NKAIN3: variants seen among roughly 807,000 people sequenced by gnomAD.
NKAIN3 encodes the protein sodium/potassium-transporting ATPase subunit beta-1-interacting protein 3.
In NKAIN3, 25 loss-of-function variants were observed where a neutral mutation model predicts 30.2. The observed-to-expected ratio is 0.83, with a 90% CI of 0.60 to 1.16. NKAIN3 has a LOEUF of 1.16. NKAIN3 is among the 50% of genes most tolerant of loss of function. The probability of loss-of-function intolerance (pLI) is 0.00; values close to 1 mark genes in which losing one functional copy is unlikely to be tolerated. For synonymous variants in NKAIN3, 91 were observed against 89.6 expected (o/e 1.02, Z -0.09); for missense variants, 225 against 254.1 (o/e 0.89, Z 0.78).
At position 62,545,929 on chromosome 8, in the gene NKAIN3, G is replaced by A. The variant is rs533093752; in HGVS notation, c.55-33610G>A. Among the ~76,000 whole-genome samples, 12 of 152,224 alleles carry A rather than the reference G, an allele frequency of 7.9e-5. No individual in the cohort carries two copies. The South Asian group carries it at 1.7e-3, about 21-fold the overall frequency. On this transcript the variant is annotated intron_variant, in intron 1 of 6. Coordinates refer to ENST00000623646, the MANE Select transcript of NKAIN3 (RefSeq NM_001304533.3). Reference sequence around the variant, plus strand: ...GTCACAAAAATATATAAACATGCCCGTTTCTTCAAACTCTTACTAATACTG... The same window carrying A: ...GTCACAAAAATATATAAACATGCCCATTTCTTCAAACTCTTACTAATACTG...
chr8:62,567,465 C>A (rs572370779), intron 1 of NKAIN3, among the ~76,000 whole-genome samples: 11 of 152,200 alleles, frequency 7.2e-5, no homozygotes, highest in African/African-American at 2.4e-4. Context: ...CTTTACATGG[C>A]AAAGGAGAAT....
At chr8:62,423,571 T>G (rs575132625) in intron 1 of NKAIN3, among the ~76,000 whole-genome samples, 2 of 151,902 alleles carry the variant, frequency 1.3e-5, no homozygotes, top group South Asian at 4.1e-4. Context: ...GGCATTCTTA[T>G]TTTTTTACAG....
chr8:62,722,499 A>T (rs1036549491), intron 3 of NKAIN3, among the ~76,000 whole-genome samples: 1 of 152,180 alleles, frequency 6.6e-6, no homozygotes, highest in African/African-American at 2.4e-5. Flanking sequence ...CTTTGTGGCC[A>T]TTGGCCCTTA....
intron 1 of NKAIN3, among the ~76,000 whole-genome samples, chr8:62,461,791 G>A (rs761914638): frequency 5.3e-5 from 8 of 152,106 alleles, no homozygotes; most frequent in Non-Finnish European, 7.4e-5. Context: ...AAAAAAGTAC[G>A]AAGAAAACTG....
At chr8:62,403,601 G>T (rs956745669) in intron 1 of NKAIN3, among the ~76,000 whole-genome samples, 8 of 152,232 alleles carry the variant, frequency 5.3e-5, no homozygotes, top group African/African-American at 1.9e-4. Context: ...CTACCATGCG[G>T]TATTGGTCCT....
At position 62,645,612 on chromosome 8, in the gene NKAIN3, TAATC is replaced by T. The variant is rs1041436740; in HGVS notation, c.273+55821_273+55824del. ...ACAGTGGATTGAAGATTTTTTAAAT[TAATC>T]AAGTGTATATGAAGTGACAGATTAT... On this transcript the variant is annotated intron_variant, in intron 3 of 6. Transcript: ENST00000623646. 6.4e-3 allele frequency among the ~76,000 whole-genome samples: 969 copies of T among 152,284 alleles called. 10 individuals are homozygous for T. Among genetic ancestry groups the T allele is most frequent in the African/African-American group, 0.023 (936 of 41,578 alleles).
chr8:62,561,797 C>G (rs554666489), intron 1 of NKAIN3, among the ~76,000 whole-genome samples: 8 of 152,246 alleles, frequency 5.3e-5, no homozygotes, highest in Non-Finnish European at 1.2e-4. Flanking sequence ...TTTGTAAAAA[C>G]ATGAGTCTTT....
chr8:62,593,216 C>T (rs1170926728), intron 3 of NKAIN3, among the ~76,000 whole-genome samples: 3 of 151,766 alleles, frequency 2.0e-5, no homozygotes, highest in Non-Finnish European at 4.4e-5. Context: ...TGTTGAATGA[C>T]TGAAATAATA....
chr8:62,506,476 C>CTTTCTTTCTTTTTTTTT (rs71559373), intron 1 of NKAIN3, among the ~76,000 whole-genome samples: 53 of 98,448 alleles, frequency 5.4e-4, no homozygotes, highest in South Asian at 1.8e-3. Context: ...TTCTTTCTTT[C>CTTTCTTTCTTTTTTTTT]TTTTTTTTTT....
chr8:62,262,751 A>C (rs142293987), intron 1 of NKAIN3, among the ~76,000 whole-genome samples: 1 of 152,192 alleles, frequency 6.6e-6, no homozygotes, highest in African/African-American at 2.4e-5. Flanking sequence ...GCATTTCACA[A>C]GTAGAAGACA....
At chr8:62,269,797 G>T (rs1438922243) in intron 1 of NKAIN3, among the ~76,000 whole-genome samples, 1 of 151,828 alleles carries the variant, frequency 6.6e-6, no homozygotes, top group African/African-American at 2.4e-5. Context: ...CATTAATGTT[G>T]CTGACATTGT....
At chr8:62,958,697 A>G (rs1165406710) in intron 6 of NKAIN3, among the ~76,000 whole-genome samples, 1 of 152,250 alleles carries the variant, frequency 6.6e-6, no homozygotes, top group African/African-American at 2.4e-5. Flanking sequence ...GGAATTTCAG[A>G]GAACAACATA....
intron 3 of NKAIN3, among the ~76,000 whole-genome samples, chr8:62,633,497 C>T: frequency 6.6e-6 from 1 of 152,166 alleles, no homozygotes; most frequent in Non-Finnish European, 1.5e-5. Context: ...TGCCAGGCCC[C>T]TGCATATGTT....
At position 62,486,352 on chromosome 8, in the gene NKAIN3, T is replaced by C. The variant is rs150210894; in HGVS notation, c.55-93187T>C. On this transcript the variant is annotated intron_variant, in intron 1 of 6. Transcript: ENST00000623646. Reference sequence around the variant, plus strand: ...CTCAAAGAAGAACGATCTTATAAGTTAATTTATTTTAATTTATTGCATGCT... The same window carrying C: ...CTCAAAGAAGAACGATCTTATAAGTCAATTTATTTTAATTTATTGCATGCT... Among the ~76,000 whole-genome samples, 757 of 152,214 alleles carry C rather than the reference T, an allele frequency of 5.0e-3. 5 individuals are homozygous for C. Among genetic ancestry groups the C allele is most frequent in the African/African-American group, 0.016 (679 of 41,538 alleles).
chr8:62,933,087 T>C (rs796194786), intron 5 of NKAIN3, among the ~76,000 whole-genome samples: 7 of 151,678 alleles, frequency 4.6e-5, no homozygotes, highest in African/African-American at 1.7e-4. Context: ...TCACACCACT[T>C]CAGATGCTCT....
At chr8:62,622,621 T>G (rs1164372328) in intron 3 of NKAIN3, among the ~76,000 whole-genome samples, 1 of 152,072 alleles carries the variant, frequency 6.6e-6, no homozygotes, top group African/African-American at 2.4e-5. Context: ...ATTGGATTAT[T>G]TGGTTCTTTT....
chr8:62,491,623 G>A lies in NKAIN3; in HGVS notation c.55-87916G>A, dbSNP rs534232233. ...GTAGCCTGAATAAAATTTTAAAAGC[G>A]TTACAAATTATGTAAATAGATGCGG... On this transcript the variant is annotated intron_variant, in intron 1 of 6. Transcript: ENST00000623646. Among the ~76,000 whole-genome samples, 65 of 152,222 alleles carry A rather than the reference G, an allele frequency of 4.3e-4. No individual in the cohort carries two copies. In the South Asian group the frequency reaches 0.013, roughly 30 times the overall value.
intron 4 of NKAIN3, among the ~76,000 whole-genome samples, chr8:62,749,207 C>T (rs1415032758): frequency 6.6e-6 from 1 of 152,132 alleles, no homozygotes; most frequent in Non-Finnish European, 1.5e-5. Context: ...TACAATGCAG[C>T]AGGACGCTTG....
At chr8:62,864,181 G>T (rs13274287) in intron 4 of NKAIN3, 2 of 641,956 alleles carry the variant, frequency 3.1e-6, no homozygotes, top group Admixed American at 5.9e-5. Flanking sequence ...TCAACCGACC[G>T]GGAGGAGGCT....
Sources: allele counts gnomAD v4.1 joint callset (sites outside exome capture counted in the v4.1 genomes callset), GRCh38; gene constraint gnomAD v4.1.1; transcripts MANE v1.5; gene names NCBI Gene and HGNC (gene_info 2026-07-23, HGNC 2026-07-21).